PCDH15: variants seen among roughly 807,000 people sequenced by gnomAD.
PCDH15 encodes the protein protocadherin-15.
In PCDH15, 129 loss-of-function variants were observed where a neutral mutation model predicts 178.5. The ratio of observed to expected loss-of-function variants is 0.72; its 90% CI spans 0.63 to 0.84. The LOEUF is 0.84. Among genes scored for constraint, PCDH15 ranks in the 40% least tolerant of loss-of-function variants. The pLI is 0.00. For missense variants in PCDH15, 2,230 were observed against 2,099.9 expected (o/e 1.06, Z -1.21); for synonymous variants, 800 against 732.0 (o/e 1.09, Z -1.50).
At chr10:54,935,359 G>A (rs1364704469) in intron 2 of PCDH15, among the ~76,000 whole-genome samples, 1 of 152,020 alleles carries the variant, frequency 6.6e-6, no homozygotes, top group Non-Finnish European at 1.5e-5. Context: ...TTGATGCCAA[G>A]GGATAATACA....
chr10:54,285,662 G>A (rs1469279779), intron 8 of PCDH15, among the ~76,000 whole-genome samples: 1 of 152,064 alleles, frequency 6.6e-6, no homozygotes, highest in Non-Finnish European at 1.5e-5. Context: ...CAATATGGAG[G>A]TTCCTCTAAA....
At chr10:55,115,865 C>A (rs907513875) in intron 2 of PCDH15, among the ~76,000 whole-genome samples, 1 of 152,182 alleles carries the variant, frequency 6.6e-6, no homozygotes, top group African/African-American at 2.4e-5. Context: ...AGCCTAAACA[C>A]AGTAGCTCCA....
chr10:55,354,632 A>T (rs2131971167), intron 2 of PCDH15, among the ~76,000 whole-genome samples: 1 of 152,210 alleles, frequency 6.6e-6, no homozygotes, highest in South Asian at 2.1e-4. Flanking sequence ...TTCCTGACTT[A>T]CTGACTTAAC....
chr10:55,438,985 G>A (rs11004861), intron 2 of PCDH15, among the ~76,000 whole-genome samples: 16,136 of 151,588 alleles, frequency 0.11, 1,192 homozygotes, highest in East Asian at 0.2. Flanking sequence ...TACAAGCTCC[G>A]CCTCCCGGGT....
chr10:54,592,422 A>T (rs2091944344), intron 2 of PCDH15, among the ~76,000 whole-genome samples: 1 of 151,834 alleles, frequency 6.6e-6, no homozygotes, highest in Admixed American at 6.6e-5. Flanking sequence ...AACATATTTA[A>T]GGTGTGCAAC....
chr10:54,937,098 T>C (rs1194128928), intron 2 of PCDH15, among the ~76,000 whole-genome samples: 1 of 151,996 alleles, frequency 6.6e-6, no homozygotes, highest in African/African-American at 2.4e-5. Context: ...TCTTGAAAGA[T>C]TTACCCCATT....
At chr10:55,564,534 A>G (rs1045836657) in intron 2 of PCDH15, among the ~76,000 whole-genome samples, 3 of 151,744 alleles carry the variant, frequency 2.0e-5, no homozygotes, top group Non-Finnish European at 4.4e-5. Context: ...TTAATTTTAA[A>G]TAGCAAAGCC....
chr10:55,412,755 C>T (rs1336668102), intron 2 of PCDH15, among the ~76,000 whole-genome samples: 1 of 151,642 alleles, frequency 6.6e-6, no homozygotes, highest in Non-Finnish European at 1.5e-5. Context: ...CAGAATAATA[C>T]GAGATGTTCC....
chr10:54,085,472 A>C (rs559621771), intron 16 of PCDH15, among the ~76,000 whole-genome samples: 133 of 152,316 alleles, frequency 8.7e-4, no homozygotes, highest in African/African-American at 3.1e-3. Flanking sequence ...TCATATTTAT[A>C]AGGGAAGTTG....
At chr10:54,016,065 C>T (rs529026472) in intron 20 of PCDH15, among the ~76,000 whole-genome samples, 9 of 151,962 alleles carry the variant, frequency 5.9e-5, no homozygotes, top group Non-Finnish European at 1.3e-4. Flanking sequence ...ACTTACAAAT[C>T]AACAAGCAAA....
chr10:55,328,006 T>G (rs565736695), intron 2 of PCDH15, among the ~76,000 whole-genome samples: 1 of 152,042 alleles, frequency 6.6e-6, no homozygotes, highest in African/African-American at 2.4e-5. Flanking sequence ...TTTGGAAAGA[T>G]TTAATACAAT....
intron 18 of PCDH15, among the ~76,000 whole-genome samples, chr10:54,060,997 T>C (rs1255965981): frequency 2.6e-5 from 4 of 152,184 alleles, no homozygotes; most frequent in African/African-American, 9.6e-5. Flanking sequence ...ATCTAAAGGC[T>C]GAATGGACCT....
chr10:55,513,462 A>G (rs1840938413), intron 2 of PCDH15, among the ~76,000 whole-genome samples: 1 of 152,090 alleles, frequency 6.6e-6, no homozygotes, highest in Non-Finnish European at 1.5e-5. Flanking sequence ...ACATCATATT[A>G]AAGATATTTT....
intron 18 of PCDH15, among the ~76,000 whole-genome samples, chr10:54,033,465 C>G (rs1449017623): frequency 6.6e-6 from 1 of 151,888 alleles, no homozygotes; most frequent in Non-Finnish European, 1.5e-5. Context: ...AAAGAGAGTC[C>G]TCTGTAACTT....
rs867430264 is a variant in PCDH15, at chr10:54,830,820, T to C, written c.-29+66630A>G. Among the ~76,000 whole-genome samples, 7 of 151,672 alleles carry C rather than the reference T, an allele frequency of 4.6e-5. No individual in the cohort carries two copies. The Middle Eastern group carries it at 0.014, about 297-fold the overall frequency. On this transcript the variant is annotated intron_variant, in intron 3 of 5. Coordinates refer to the PCDH15 transcript ENST00000458638. The stretch of plus-strand genomic sequence containing the variant: ...TAAAAGCAAACAGCAAGACATGCCA[T>C]ACATGTCAACACAGAGACAAAAAAT...
intron 2 of PCDH15, among the ~76,000 whole-genome samples, chr10:54,921,734 G>T (rs1399354262): frequency 2.0e-5 from 3 of 151,936 alleles, no homozygotes; most frequent in Non-Finnish European, 4.4e-5. Context: ...GTCTAACACT[G>T]TATTAGTCCA....
chr10:54,746,361 C>G (rs1390490798), intron 1 of PCDH15, among the ~76,000 whole-genome samples: 1 of 12,198 alleles, frequency 8.2e-5, no homozygotes, highest in Non-Finnish European at 7.1e-4. Context: ...TTAATGGGTA[C>G]AAACATACAG....
At chr10:54,531,574 G>A (rs142335090) in intron 2 of PCDH15, among the ~76,000 whole-genome samples, 14 of 152,132 alleles carry the variant, frequency 9.2e-5, no homozygotes, top group Non-Finnish European at 1.3e-4. Flanking sequence ...TGCTCATTTC[G>A]TAGAAATGAG....
chr10:54,971,805 CAT>C (rs1177380728), intron 2 of PCDH15, among the ~76,000 whole-genome samples: 2 of 152,144 alleles, frequency 1.3e-5, no homozygotes, highest in African/African-American at 4.8e-5. Flanking sequence ...TAAATATTCC[CAT>C]ACGTATATAT....
Sources: allele counts gnomAD v4.1 joint callset (sites outside exome capture counted in the v4.1 genomes callset), GRCh38; gene constraint gnomAD v4.1.1; transcripts MANE v1.5; gene names NCBI Gene and HGNC (gene_info 2026-07-23, HGNC 2026-07-21).